The following IPO5 variants were observed in gnomAD, a reference collection of about 807,000 sequenced individuals.
The protein encoded by IPO5 is importin-5.
In IPO5, 18 loss-of-function variants were observed where a neutral mutation model predicts 143.3. That is an observed-to-expected ratio of 0.13 (90% CI 0.09 to 0.19). IPO5 has a LOEUF of 0.19. Ranked by LOEUF, IPO5 falls within the 10% of genes least tolerant of loss-of-function variation. IPO5 has a pLI of 1.00. For missense variants in IPO5, 1,013 were observed against 1,336.9 expected, an observed-to-expected ratio of 0.76 and a Z score of 3.78; for synonymous variants, 477 against 465.7, an observed-to-expected ratio of 1.02 and a Z score of -0.31.
intron 6 of IPO5, among the ~76,000 whole-genome samples, chr13:97,988,672 C>T (rs1023354012): frequency 1.3e-5 from 2 of 152,164 alleles, no homozygotes; most frequent in African/African-American, 2.4e-5. Context: ...CCTGTAATCC[C>T]AGCTACTCGG....
intron 20 of IPO5, among the ~76,000 whole-genome samples, chr13:98,011,630 C>G (rs1889727550): frequency 6.6e-6 from 1 of 151,834 alleles, no homozygotes; most frequent in South Asian, 2.1e-4. Context: ...CCTCAGCCTC[C>G]CAAGTACCTG....
At chr13:97,977,073 C>T (rs1349230312) in intron 4 of IPO5, 1 of 170,028 alleles carries the variant, frequency 5.9e-6, no homozygotes. Flanking sequence ...GGGTGCCGGG[C>T]GGGCCCGGGG....
intron 21 of IPO5, among the ~76,000 whole-genome samples, chr13:98,013,790 T>G (rs891617146): frequency 6.6e-6 from 1 of 152,088 alleles, no homozygotes; most frequent in Non-Finnish European, 1.5e-5. Context: ...CCATAGTCAT[T>G]TTTGTATTTT....
intron 2 of IPO5, among the ~76,000 whole-genome samples, chr13:97,969,489 A>C (rs995383769): frequency 1.3e-5 from 2 of 152,040 alleles, no homozygotes; most frequent in Non-Finnish European, 2.9e-5. Context: ...GCCTCTGCTA[A>C]GTATATTTTT....
intron 17 of IPO5, 92 bp from the exon 18 acceptor site, chr13:98,007,967 G>C: frequency 2.9e-6 from 2 of 700,306 alleles, no homozygotes; most frequent in South Asian, 3.5e-5. Context: ...ACCTATGTGG[G>C]CAATGTAGTC....
At chr13:97,995,981 A>G (rs1013179431) in intron 11 of IPO5, among the ~76,000 whole-genome samples, 1 of 152,326 alleles carries the variant, frequency 6.6e-6, no homozygotes, top group Middle Eastern at 3.4e-3. Context: ...GATACACCAT[A>G]AATGAACTGA....
chr13:97,961,219 T>C (rs1297977925), intron 2 of IPO5, among the ~76,000 whole-genome samples: 1 of 152,242 alleles, frequency 6.6e-6, no homozygotes, highest in Non-Finnish European at 1.5e-5. Flanking sequence ...TGTTTATCCA[T>C]TCACCAGTGG....
intron 13 of IPO5, chr13:98,001,007 A>G (rs578106347): frequency 2.4e-4 from 53 of 225,108 alleles, no homozygotes; most frequent in Non-Finnish European, 4.0e-4. Context: ...TTTGCCCCTG[A>G]CGGAGGTGAT....
Position 98,014,064 on chromosome 13 carries a change from A to T in IPO5, c.2175A>T (p.Glu725Asp), listed in dbSNP as rs2230411. The change falls in exon 22 of 29, where the codon GAA (glutamate) becomes GAT (aspartate). Residue 725 changes from glutamate (E) to aspartate (D), a missense_variant. Glu to Asp is a conservative substitution (Grantham distance 45, BLOSUM62 2). Coordinates refer to ENST00000651721, the MANE Select transcript of IPO5 (RefSeq NM_002271.6). ...FHDGVRVAAA[E>D]SMPLLLECAR... ...AACGTGTTCGAGTGGCAGCAGCGGA[A>T]TCCATGCCTCTTCTCCTGGAGTGTG... The T allele has an allele frequency of 6.9e-4, 1,114 of 1,609,594 alleles. 1 individual carries two copies. Among genetic ancestry groups the T allele is most frequent in the Non-Finnish European group, 8.2e-4 (971 of 1,178,958 alleles).
At chr13:98,021,519 G>A in intron 28 of IPO5, 2 of 401,362 alleles carry the variant, frequency 5.0e-6, no homozygotes, top group East Asian at 3.5e-5. Context: ...TACCTGCTTA[G>A]TGTAGCTTTT....
chr13:98,018,607 T>C lies in IPO5; in HGVS notation c.2739T>C (p.Tyr913=). 6.2e-7 allele frequency: 1 copy of C among 1,614,206 alleles called. No individual in the cohort carries two copies. Among genetic ancestry groups the C allele is most frequent in the South Asian group, 1.1e-5 (1 of 91,088 alleles). The change falls in exon 26 of 29, where the codon TAT becomes TAC. Residue 913 remains tyrosine, a synonymous_variant. Transcript: ENST00000651721. ...ATTTCTTAAGACCAATGCTCCAATA[T>C]GTATGTGACAACAGCCCAGAAGTCA... ...AEYFLRPMLQ[Y]VCDNSPEVRQ...
rs566868616 is a variant in IPO5 at position 97,977,999 on chromosome 13, A to G, written c.90+1213A>G. On this transcript the variant is annotated intron_variant, in intron 4 of 28. Transcript: ENST00000651721. Reference sequence around the variant, plus strand: ...ACGACGGTGGTAATCGTTGTTTTGAATAGATGGTGGATATGCTGGTTACAC... The same window carrying G: ...ACGACGGTGGTAATCGTTGTTTTGAGTAGATGGTGGATATGCTGGTTACAC... 2.0e-5 allele frequency among the ~76,000 whole-genome samples: 3 copies of G among 152,340 alleles called. 1 individual carries two copies. The South Asian group carries it at 6.2e-4, about 32-fold the overall frequency.
intron 22 of IPO5, among the ~76,000 whole-genome samples, chr13:98,015,076 A>G (rs917060519): frequency 6.6e-6 from 1 of 152,042 alleles, no homozygotes. Context: ...ATATGTCCTT[A>G]TTTACACTCC....
rs764489742 is a variant in IPO5 at position 98,018,486 on chromosome 13, G to A, written c.2618G>A (p.Cys873Tyr). The A allele has an allele frequency of 1.1e-5, 17 of 1,609,998 alleles. No homozygotes were observed. The South Asian group carries it at 1.5e-4, about 15-fold the overall frequency. Reference protein sequence around the residue: ...QLLPLIVNLICPHRPWPDRQW... With the variant: ...QLLPLIVNLIYPHRPWPDRQW... ...CTTAAAAGAGAATTTCTTTTGTAGTGTCCACATAGACCATGGCCAGACAGA... is the reference window on the plus strand; with the variant it reads ...CTTAAAAGAGAATTTCTTTTGTAGTATCCACATAGACCATGGCCAGACAGA... Residue 873 changes from cysteine (C) to tyrosine (Y), a missense_variant and splice_region_variant, in exon 26 of 29, where the codon TGT becomes TAT. By Grantham distance (194) the Cys-to-Tyr change is radical. Around this residue, in one of 2 missense-constraint regions of IPO5, gnomAD observed 685 missense variants for 994.9 expected, o/e 0.69. Coordinates refer to ENST00000651721, the MANE Select transcript of IPO5 (RefSeq NM_002271.6).
At position 98,021,988 on chromosome 13, in the gene IPO5, A is replaced by G. The variant is rs1890527418; in HGVS notation, c.*166A>G. 2.3e-6 allele frequency: 1 copy of G among 426,184 alleles called. No homozygotes were observed. 26.4% of individuals were successfully genotyped at this position (426,184 alleles called of 1,614,324 possible). On this transcript the variant is annotated 3_prime_UTR_variant, in exon 29 of 29. Coordinates refer to ENST00000651721, the MANE Select transcript of IPO5 (RefSeq NM_002271.6). The stretch of plus-strand genomic sequence containing the variant: ...AGAGCAGCGCTGTGTTGCAGAATGG[A>G]GTTTCCATGGATTTCTACCAGACCA...
chr13:97,979,318 T>C (rs1886649752), intron 4 of IPO5, among the ~76,000 whole-genome samples: 1 of 152,228 alleles, frequency 6.6e-6, no homozygotes. Context: ...TATGGTTATA[T>C]ATTTGGTTGA....
chr13:97,972,756 T>C (rs992267471), intron 3 of IPO5, among the ~76,000 whole-genome samples: 19 of 152,212 alleles, frequency 1.2e-4, no homozygotes, highest in African/African-American at 4.3e-4. Context: ...ACTCAAAGTT[T>C]TCTATCCTTG....
At chr13:97,971,418 A>G (rs965921908) in intron 3 of IPO5, among the ~76,000 whole-genome samples, 5 of 151,938 alleles carry the variant, frequency 3.3e-5, no homozygotes, top group African/African-American at 9.7e-5. Context: ...CATATTTTCA[A>G]TAATTTTTCA....
chr13:97,955,515 T>C (rs778086887), intron 2 of IPO5, among the ~76,000 whole-genome samples: 11 of 152,046 alleles, frequency 7.2e-5, no homozygotes, highest in Non-Finnish European at 1.5e-4. Flanking sequence ...CAGGCAGAAA[T>C]ATAAGAGTTG....
Sources: gnomAD v4.1 joint callset for allele counts (sites outside exome capture counted in the v4.1 genomes callset) on GRCh38, gnomAD v4.1.1 for gene constraint, gnomAD v4.1.1 regional missense constraint, MANE v1.5 for transcripts, NCBI Gene and HGNC (gene_info 2026-07-23, HGNC 2026-07-21) for gene names.